The following PGBD5 variants were observed in gnomAD, a reference collection of about 807,000 sequenced individuals.
PGBD5 encodes piggyBac transposable element-derived protein 5.
A neutral mutation model predicts 47.9 loss-of-function variants in PGBD5; 14 were observed. That is an observed-to-expected ratio of 0.29 (90% CI 0.19 to 0.46). The LOEUF (loss-of-function observed/expected upper bound fraction) is 0.46. Ranked by LOEUF, PGBD5 falls within the 20% of genes least tolerant of loss-of-function variation. The pLI is 1.00. For missense variants in PGBD5, 635 were observed against 716.0 expected (o/e 0.89, Z 1.29); for synonymous variants, 316 against 306.3 (o/e 1.03, Z -0.33).
chr1:230,378,279 G>T (rs1293869954), intron 1 of PGBD5, among the ~76,000 whole-genome samples: 1 of 152,200 alleles, frequency 6.6e-6, no homozygotes, highest in Non-Finnish European at 1.5e-5. Flanking sequence ...CCATTGCAGG[G>T]ATTATAATGA....
In PGBD5 at chr1:230,316,118, C is replaced by A. The variant is rs200368833; in HGVS notation, c.*7307G>T. On this transcript the variant is annotated 3_prime_UTR_variant, in exon 7 of 7. Transcript: ENST00000391860. Reference sequence around the variant, plus strand: ...CATATGTTTATGTGTACACATATATCTATGTGTATACATACATATGTATAT... The same window carrying A: ...CATATGTTTATGTGTACACATATATATATGTGTATACATACATATGTATAT... 6 of 113,244 alleles carry A rather than the reference C, an allele frequency of 5.3e-5. No homozygotes were observed. Among genetic ancestry groups the A allele is most frequent in the Admixed American group, 2.8e-4 (3 of 10,582 alleles). 7.0% of individuals were successfully genotyped at this position (113,244 alleles called of 1,614,324 possible).
At chr1:230,389,179 T>C (rs1421739173) in intron 1 of PGBD5, among the ~76,000 whole-genome samples, 3 of 151,858 alleles carry the variant, frequency 2.0e-5, no homozygotes, top group East Asian at 1.9e-4. Flanking sequence ...TCTTTCTTTT[T>C]TTTTTTTTTT....
chr1:230,401,107 A>G (rs1248741386), intron 1 of PGBD5, among the ~76,000 whole-genome samples: 3 of 152,224 alleles, frequency 2.0e-5, no homozygotes, highest in African/African-American at 7.2e-5. Flanking sequence ...AACATTTACC[A>G]GAAGGCACAG....
At chr1:230,387,512 G>T (rs1656672000) in intron 1 of PGBD5, among the ~76,000 whole-genome samples, 1 of 152,218 alleles carries the variant, frequency 6.6e-6, no homozygotes. Flanking sequence ...GCTGGGGGGA[G>T]GCTCCTTAGG....
In PGBD5 at chr1:230,323,290, C is replaced by T; in HGVS notation, c.*135G>A. The T allele has an allele frequency of 2.0e-6, 2 of 984,528 alleles. No homozygotes were observed. The highest frequency in any genetic ancestry group is 2.9e-6 in the Non-Finnish European group (2 of 678,190). The allele number at this position is 984,528 out of a possible 1,614,324, so 61.0% of individuals were successfully genotyped here. A position where few individuals can be genotyped will look rare whatever the true frequency, so the allele number is the denominator to read the frequency against. On this transcript the variant is annotated 3_prime_UTR_variant, in exon 7 of 7. Coordinates refer to ENST00000391860, the MANE Select transcript of PGBD5 (RefSeq NM_001258311.2). The surrounding 1 kb of genome is among the most constrained non-coding windows in gnomAD (Gnocchi z 4.1). ...CTCTGACCAGGTCCATCCTGTCCCT[C>T]CAGAGGCCCTGTGCATCCCTCCCAG...
In PGBD5 at chr1:230,323,780, G is replaced by A. The variant is rs771623379; in HGVS notation, c.1380-160C>T. On this transcript the variant is annotated intron_variant, in intron 6 of 6. Transcript: ENST00000391860. The surrounding 1 kb of genome is among the most constrained non-coding windows in gnomAD (Gnocchi z 4.1). ...GCAGGAGTCAGGCTTGGGATGTTAG[G>A]TGAGTTCCAGCTGGGGGTTTTGTCA... 6.6e-6 allele frequency among the ~76,000 whole-genome samples: 1 copy of A among 152,164 alleles called. No individual in the cohort carries two copies. Among genetic ancestry groups the A allele is most frequent in the Non-Finnish European group, 1.5e-5 (1 of 68,024 alleles).
chr1:230,408,026 G>A (rs530033184), intron 1 of PGBD5, among the ~76,000 whole-genome samples: 2 of 152,260 alleles, frequency 1.3e-5, no homozygotes, highest in African/African-American at 4.8e-5. Flanking sequence ...TGGTGGAGAC[G>A]TCACTGGCAG....
At chr1:230,330,879 T>C (rs932580856) in intron 5 of PGBD5, among the ~76,000 whole-genome samples, 1 of 152,210 alleles carries the variant, frequency 6.6e-6, no homozygotes, top group African/African-American at 2.4e-5. Context: ...ACATGAACAC[T>C]AAATTTCAAC....
At chr1:230,388,353 C>T (rs934136233) in intron 1 of PGBD5, among the ~76,000 whole-genome samples, 16 of 151,922 alleles carry the variant, frequency 1.1e-4, no homozygotes, top group African/African-American at 2.9e-4. Flanking sequence ...CTCACTCAGA[C>T]GCGCACTGAA....
chr1:230,398,829 C>T (rs377429241), intron 1 of PGBD5, among the ~76,000 whole-genome samples: 6 of 152,150 alleles, frequency 3.9e-5, no homozygotes, highest in African/African-American at 1.4e-4. Context: ...AGGGCCTGCA[C>T]TGTCACATCG....
At chr1:230,333,646 G>A (rs1325826509) in intron 4 of PGBD5, among the ~76,000 whole-genome samples, 3 of 152,168 alleles carry the variant, frequency 2.0e-5, no homozygotes, top group African/African-American at 4.8e-5. Context: ...GCTGTCAGAC[G>A]GAGCCCCCAT....
chr1:230,390,315 C>T (rs530319107), intron 1 of PGBD5, among the ~76,000 whole-genome samples: 1 of 152,228 alleles, frequency 6.6e-6, no homozygotes, highest in African/African-American at 2.4e-5. Flanking sequence ...CACAGCCTTC[C>T]ATCAGAGCTG....
intron 5 of PGBD5, among the ~76,000 whole-genome samples, chr1:230,330,214 C>G (rs1313161563): frequency 2.6e-5 from 4 of 152,158 alleles, no homozygotes; most frequent in Non-Finnish European, 5.9e-5. Context: ...GGCATCTTCA[C>G]CTGTCAGAAT....
intron 1 of PGBD5, among the ~76,000 whole-genome samples, chr1:230,365,681 G>T (rs1036784258): frequency 2.7e-4 from 41 of 152,220 alleles, no homozygotes; most frequent in African/African-American, 8.9e-4. Flanking sequence ...AATAAAGGCT[G>T]GCTGAGTCTT....
chr1:230,328,490 G>T (rs1667159261), intron 5 of PGBD5, among the ~76,000 whole-genome samples: 1 of 152,182 alleles, frequency 6.6e-6, no homozygotes, highest in Admixed American at 6.5e-5. Context: ...GGCAATATTA[G>T]CAAGAGGGAA....
At chr1:230,338,902 G>T (rs938960943) in intron 3 of PGBD5, among the ~76,000 whole-genome samples, 1 of 152,202 alleles carries the variant, frequency 6.6e-6, no homozygotes, top group African/African-American at 2.4e-5. Flanking sequence ...GGAAGAGCCC[G>T]GTTCCTTTTC....
intron 4 of PGBD5, among the ~76,000 whole-genome samples, chr1:230,335,918 CAGACACAGACACACACAGACACACAA>C (rs1667317818): frequency 6.6e-6 from 1 of 151,330 alleles, no homozygotes; most frequent in Admixed American, 6.6e-5. Context: ...CACAAAGACA[CAGACACAGACACACACAGACACACAA>C]AGACACAGAG....
Position 230,320,341 on chromosome 1 carries a change from T to C in PGBD5, c.*3084A>G, listed in dbSNP as rs567496650. The stretch of plus-strand genomic sequence containing the variant: ...TAATGGGAAGGTCTCATAAACTCCG[T>C]GAAGCTCAGTGCAGGTTCAATTCCC... On this transcript the variant is annotated 3_prime_UTR_variant, in exon 7 of 7. Coordinates refer to ENST00000391860, the MANE Select transcript of PGBD5 (RefSeq NM_001258311.2). 6.6e-6 allele frequency: 1 copy of C among 152,302 alleles called. No homozygotes were observed. The highest frequency in any genetic ancestry group is 2.4e-5 in the African/African-American group (1 of 41,556). 9.4% of individuals were successfully genotyped at this position (152,302 alleles called of 1,614,324 possible).
At chr1:230,347,478 T>G (rs1315668079) in intron 3 of PGBD5, among the ~76,000 whole-genome samples, 1 of 139,354 alleles carries the variant, frequency 7.2e-6, no homozygotes, top group Non-Finnish European at 1.6e-5. Context: ...TTTCTTTTCT[T>G]TTTTTTTTTT....
Sources: gnomAD v4.1 joint callset for allele counts (sites outside exome capture counted in the v4.1 genomes callset) on GRCh38, gnomAD v4.1.1 for gene constraint, Gnocchi (gnomAD v3.1) non-coding constraint, MANE v1.5 for transcripts, NCBI Gene and HGNC (gene_info 2026-07-23, HGNC 2026-07-21) for gene names.